Variants in CNTN4 observed in about 807,000 individuals in gnomAD.
CNTN4 encodes the protein contactin-4.
In CNTN4, 77 loss-of-function variants were observed where a neutral mutation model predicts 122.5. The ratio of observed to expected loss-of-function variants is 0.63; its 90% CI spans 0.52 to 0.76. CNTN4 has a LOEUF of 0.76. CNTN4 is among the 30% of genes least tolerant of loss of function. The probability of loss-of-function intolerance (pLI) is 0.00; values close to 1 mark genes in which losing one functional copy is unlikely to be tolerated. For synonymous variants in CNTN4, 512 were observed against 447.0 expected (o/e 1.15, Z -1.83); for missense variants, 1,256 against 1,259.1 (o/e 1.00, Z 0.04).
At chr3:2,918,072 C>T (rs2094388958) in intron 12 of CNTN4, among the ~76,000 whole-genome samples, 1 of 152,184 alleles carries the variant, frequency 6.6e-6, no homozygotes, top group Admixed American at 6.5e-5. Context: ...TGAAAATGAA[C>T]ATAGCACAAA....
chr3:2,480,436 C>A (rs1290512919), intron 3 of CNTN4, among the ~76,000 whole-genome samples: 1 of 152,112 alleles, frequency 6.6e-6, no homozygotes, highest in Non-Finnish European at 1.5e-5. Flanking sequence ...TCATTGTTAA[C>A]ATAGACCAGT....
At chr3:2,667,999 G>A (rs1346037931) in intron 4 of CNTN4, among the ~76,000 whole-genome samples, 1 of 152,088 alleles carries the variant, frequency 6.6e-6, no homozygotes, top group Non-Finnish European at 1.5e-5. Flanking sequence ...CTGTAGCCTT[G>A]TAGTATAGTT....
At chr3:2,786,302 A>G (rs1408160589) in intron 6 of CNTN4, among the ~76,000 whole-genome samples, 1 of 152,220 alleles carries the variant, frequency 6.6e-6, no homozygotes, top group Non-Finnish European at 1.5e-5. Flanking sequence ...GTCCACGGAC[A>G]GCAAAGCTAA....
chr3:2,602,380 A>G (rs1485925727), intron 4 of CNTN4, among the ~76,000 whole-genome samples: 1 of 152,212 alleles, frequency 6.6e-6, no homozygotes, highest in African/African-American at 2.4e-5. Context: ...AAGCTGATGA[A>G]GAACTTCAGC....
At chr3:2,658,961 AACAGACACAC>A (rs1479410957) in intron 4 of CNTN4, among the ~76,000 whole-genome samples, 5 of 59,134 alleles carry the variant, frequency 8.5e-5, no homozygotes, top group African/African-American at 3.8e-4. Context: ...CACACACACA[AACAGACACAC>A]ACACACACAC....
At chr3:3,051,920 C>A (rs1365845081) in intron 23 of CNTN4, among the ~76,000 whole-genome samples, 1 of 152,158 alleles carries the variant, frequency 6.6e-6, no homozygotes, top group Non-Finnish European at 1.5e-5. Context: ...TCGTGCTTCT[C>A]AACGCATGAT....
At chr3:2,824,113 G>A (rs146956634) in intron 7 of CNTN4, among the ~76,000 whole-genome samples, 75 of 150,390 alleles carry the variant, frequency 5.0e-4, no homozygotes, top group African/African-American at 1.7e-3. Flanking sequence ...CTGTTCACAA[G>A]CATATTCCGA....
intron 21 of CNTN4, 142 bp from the exon 22 acceptor site, chr3:3,042,835 G>A: frequency 1.4e-6 from 1 of 715,896 alleles, no homozygotes; most frequent in Non-Finnish European, 2.4e-6. Context: ...GATATACAGA[G>A]TCCTTTGTCC....
intron 3 of CNTN4, among the ~76,000 whole-genome samples, chr3:2,354,572 G>C (rs1266104274): frequency 6.6e-6 from 1 of 152,168 alleles, no homozygotes; most frequent in East Asian, 1.9e-4. Context: ...AGTGAAAGGA[G>C]TTACATAAGT....
chr3:2,340,261 AT>A (rs2044132599), intron 3 of CNTN4, among the ~76,000 whole-genome samples: 1 of 152,138 alleles, frequency 6.6e-6, no homozygotes. Context: ...TTAACAATGT[AT>A]TTATGGGAAA....
chr3:2,202,599 T>C (rs2038149617), intron 2 of CNTN4, among the ~76,000 whole-genome samples: 1 of 152,192 alleles, frequency 6.6e-6, no homozygotes, highest in Non-Finnish European at 1.5e-5. Context: ...TCACTGATAA[T>C]TCATTCCCTT....
intron 6 of CNTN4, among the ~76,000 whole-genome samples, chr3:2,816,807 G>C (rs149911532): frequency 0.3 from 36,004 of 121,802 alleles, 5,305 homozygotes; most frequent in African/African-American, 0.36. Flanking sequence ...GCAACAGAGT[G>C]AGACTCTGTC....
At chr3:3,018,544 T>G (rs1574837242) in intron 14 of CNTN4, among the ~76,000 whole-genome samples, 1 of 151,862 alleles carries the variant, frequency 6.6e-6, no homozygotes, top group African/African-American at 2.4e-5. Flanking sequence ...TGGCTGTGGG[T>G]GGGTATAGAG....
At chr3:2,908,872 A>G (rs2094266988) in intron 12 of CNTN4, among the ~76,000 whole-genome samples, 1 of 152,122 alleles carries the variant, frequency 6.6e-6, no homozygotes, top group African/African-American at 2.4e-5. Context: ...ATTATGTCTA[A>G]TGGTTCAGTA....
At chr3:2,413,744 A>C (rs1485932805) in intron 3 of CNTN4, among the ~76,000 whole-genome samples, 1 of 152,058 alleles carries the variant, frequency 6.6e-6, no homozygotes. Flanking sequence ...GGGTTTCACC[A>C]TGTTGGCCAG....
chr3:2,234,370 C>CAAAAAAAAAAAAAAA (rs72401999), intron 2 of CNTN4, among the ~76,000 whole-genome samples: 48 of 94,740 alleles, frequency 5.1e-4, no homozygotes, highest in African/African-American at 1.8e-3. Flanking sequence ...AAGTCCATCT[C>CAAAAAAAAAAAAAAA]AAAAAAAAAA....
intron 2 of CNTN4, among the ~76,000 whole-genome samples, chr3:2,105,431 C>T (rs1230098031): frequency 6.6e-6 from 1 of 152,130 alleles, no homozygotes; most frequent in Non-Finnish European, 1.5e-5. Flanking sequence ...GAAAGAGGTT[C>T]AATTCACTCA....
chr3:2,864,531 G>C (rs1559595264), intron 7 of CNTN4, among the ~76,000 whole-genome samples: 1 of 151,836 alleles, frequency 6.6e-6, no homozygotes, highest in Non-Finnish European at 1.5e-5. Context: ...CTGAGGTCAG[G>C]AGTTCGAGAC....
intron 4 of CNTN4, among the ~76,000 whole-genome samples, chr3:2,661,639 C>T (rs897749561): frequency 3.3e-5 from 5 of 151,578 alleles, no homozygotes; most frequent in African/African-American, 1.2e-4. Flanking sequence ...ATGGAGAAAC[C>T]CTGTCTCTAC....
Sources: allele counts gnomAD v4.1 joint callset (sites outside exome capture counted in the v4.1 genomes callset), GRCh38; gene constraint gnomAD v4.1.1; transcripts MANE v1.5; gene names NCBI Gene and HGNC (gene_info 2026-07-23, HGNC 2026-07-21).